The following DAGLB variants were observed in gnomAD, a reference collection of about 807,000 sequenced individuals.
DAGLB encodes the protein diacylglycerol lipase-beta.
A neutral mutation model predicts 72.1 loss-of-function variants in DAGLB; 66 were observed. That is an observed-to-expected ratio of 0.92 (90% CI 0.75 to 1.12). The LOEUF is 1.12. Among genes scored for constraint, DAGLB ranks in the 50% most tolerant of loss-of-function variants. The pLI is 0.00. For missense variants in DAGLB, 1,065 were observed against 884.9 expected (o/e 1.20, Z -2.58); for synonymous variants, 414 against 359.5 (o/e 1.15, Z -1.71).
chr7:6,409,915 G>A lies in DAGLB; in HGVS notation c.1941C>T (p.Ala647=), dbSNP rs765010300. 46 of 1,614,012 alleles carry A rather than the reference G, an allele frequency of 2.9e-5. No homozygotes were observed. The highest frequency in any genetic ancestry group is 3.8e-5 in the Non-Finnish European group (45 of 1,180,048). Residue 647 remains alanine (A), a synonymous_variant, in exon 15 of 15, where the codon GCC becomes GCT. Transcript: ENST00000297056. ...TDHMPDILMR[A]LDSVVSDRAA... ...CTCTGTCGGAGACCACGCTGTCCAA[G>A]GCCCGCATCAGGATGTCTGGCATGT... is the stretch of plus-strand genomic sequence containing the variant.
intron 6 of DAGLB, among the ~76,000 whole-genome samples, chr7:6,430,051 G>A (rs1299077972): frequency 6.8e-6 from 1 of 147,790 alleles, no homozygotes; most frequent in Non-Finnish European, 1.5e-5. Flanking sequence ...CTCAAAAAAT[G>A]AAAATTAGCC....
intron 6 of DAGLB, among the ~76,000 whole-genome samples, chr7:6,427,319 A>T (rs1784345161): frequency 1.3e-5 from 2 of 152,026 alleles, no homozygotes. Context: ...CATGATGTGG[A>T]GAAGCAAAGA....
Position 6,421,867 on chromosome 7 carries a change from G to A in DAGLB, c.1141-63C>T. On this transcript the variant is annotated intron_variant, in intron 8 of 14. Coordinates refer to ENST00000297056, the MANE Select transcript of DAGLB (RefSeq NM_139179.4). ...TGATGGGCAGGGTGGGAGAATGACAGGTGGTCCCTGCTCCTGACACTTCTG... is the reference window on the plus strand; with the variant it reads ...TGATGGGCAGGGTGGGAGAATGACAAGTGGTCCCTGCTCCTGACACTTCTG... The A allele has an allele frequency of 1.3e-6, 2 of 1,552,672 alleles. 1 individual carries two copies. The highest frequency in any genetic ancestry group is 3.4e-4 in the Middle Eastern group (2 of 5,910).
chr7:6,412,992 G>T lies in DAGLB; in HGVS notation c.1470C>A (p.Leu490=), dbSNP rs755699927. 1 of 1,613,976 alleles carries T rather than the reference G, an allele frequency of 6.2e-7. No individual in the cohort carries two copies. Among genetic ancestry groups the T allele is most frequent in the Non-Finnish European group, 8.5e-7 (1 of 1,179,940 alleles). ...TGGGAATCACATCCTTCCCCAGGAC[G>T]AGTGACACGATGAAGCTCTGAGAAT... is the stretch of plus-strand genomic sequence containing the variant. ...QEYSQSFIVS[L]VLGKDVIPRL... The change falls in exon 12 of 15, where the codon CTC becomes CTA. Residue 490 remains leucine (L), a synonymous_variant. Coordinates refer to ENST00000297056, the MANE Select transcript of DAGLB (RefSeq NM_139179.4).
chr7:6,409,374 C>T lies in DAGLB; in HGVS notation c.*463G>A. 1 of 161,968 alleles carries T rather than the reference C, an allele frequency of 6.2e-6. No individual in the cohort carries two copies. Among genetic ancestry groups the T allele is most frequent in the Non-Finnish European group, 1.4e-5 (1 of 73,368 alleles). 10.0% of individuals were successfully genotyped at this position (161,968 alleles called of 1,614,324 possible). On this transcript the variant is annotated 3_prime_UTR_variant, in exon 15 of 15. Transcript: ENST00000297056. Reference sequence around the variant, plus strand: ...GGTGACGCCCAGGAGAAAACCCCAGCCCGCACCCTCACCACAGTTCCATTT... The same window carrying T: ...GGTGACGCCCAGGAGAAAACCCCAGTCCGCACCCTCACCACAGTTCCATTT...
In DAGLB at chr7:6,447,776, A is replaced by T. The variant is rs1458233880; in HGVS notation, c.67T>A (p.Phe23Ile). 1.9e-5 allele frequency: 31 copies of T among 1,613,538 alleles called. No homozygotes were observed. The highest frequency in any genetic ancestry group is 2.6e-5 in the Non-Finnish European group (31 of 1,179,856). Residue 23 changes from phenylalanine (F) to isoleucine (I), a missense_variant, in exon 1 of 15, where the codon TTC becomes ATC. By Grantham distance (21) the Phe-to-Ile change is conservative. Transcript: ENST00000297056. ...AGCACTCGCACGACCAGCTCGAAGA[A>T]CCCTGGGAAGACCAAGTCGTCGCTG... The part of the protein sequence containing the change: ...IASDDLVFPG[F>I]FELVVRVLWW...
chr7:6,433,723 C>T (rs1300022372), intron 4 of DAGLB, among the ~76,000 whole-genome samples: 2 of 151,966 alleles, frequency 1.3e-5, no homozygotes, highest in Admixed American at 6.6e-5. Context: ...GCCTGTCATC[C>T]CAGCTATTGT....
At chr7:6,445,915 A>T (rs560348710) in intron 2 of DAGLB, 38 bp downstream of exon 2, 4 of 1,547,222 alleles carry the variant, frequency 2.6e-6, no homozygotes, top group Admixed American at 4.2e-5. Context: ...ATAAAGCTAT[A>T]AAAAAATAGG....
chr7:6,420,301 G>A (rs1784069892), intron 9 of DAGLB, among the ~76,000 whole-genome samples: 1 of 151,806 alleles, frequency 6.6e-6, no homozygotes, highest in Non-Finnish European at 1.5e-5. Flanking sequence ...TCAGCTGGGT[G>A]TGGTGACGTG....
chr7:6,420,618 G>T (rs1031454161), intron 9 of DAGLB, among the ~76,000 whole-genome samples: 1 of 152,156 alleles, frequency 6.6e-6, no homozygotes, highest in Non-Finnish European at 1.5e-5. Context: ...TGTGTTAGGG[G>T]TGTGGGACTG....
At chr7:6,413,634 GAA>G (rs796974610) in intron 11 of DAGLB, among the ~76,000 whole-genome samples, 7 of 95,106 alleles carry the variant, frequency 7.4e-5, no homozygotes, top group African/African-American at 7.5e-5. Flanking sequence ...CATCTCAAAA[GAA>G]AAAAAAAAAA....
chr7:6,423,572 C>T (rs189324761), intron 8 of DAGLB, among the ~76,000 whole-genome samples: 3,868 of 151,830 alleles, frequency 0.025, 85 homozygotes, highest in South Asian at 0.094. Flanking sequence ...TACAGGTTCC[C>T]GCCACCATGC....
rs1784452257 is a variant in DAGLB at position 6,430,531 on chromosome 7, A to G, written c.878T>C (p.Leu293Pro). 1 of 1,601,306 alleles carries G rather than the reference A, an allele frequency of 6.2e-7. No homozygotes were observed. ...QFAAAAYGWP[L>P]YIYRNPLTGL... ...CGTGAGGGGGTTTCTGTAGATGTAG[A>G]GGGGCCACCCATAGGCCGCTGCTGC... Residue 293 changes from leucine to proline, a missense_variant, in exon 6 of 15, where the codon CTC becomes CCC. Coordinates refer to ENST00000297056, the MANE Select transcript of DAGLB (RefSeq NM_139179.4).
intron 3 of DAGLB, among the ~76,000 whole-genome samples, chr7:6,436,086 AAAG>A (rs1452105790): frequency 6.6e-6 from 1 of 151,572 alleles, no homozygotes. Flanking sequence ...TTTAAGAAAA[AAAG>A]AAAAAAAAAA....
At chr7:6,430,991 G>A (rs34421596) in intron 5 of DAGLB, among the ~76,000 whole-genome samples, 12 of 152,050 alleles carry the variant, frequency 7.9e-5, no homozygotes, top group African/African-American at 2.9e-4. Context: ...GGCCAGGCTG[G>A]TCTCGAACTC....
At chr7:6,441,258 T>G (rs1168785664) in intron 2 of DAGLB, among the ~76,000 whole-genome samples, 11 of 117,156 alleles carry the variant, frequency 9.4e-5, no homozygotes, top group African/African-American at 2.5e-4. Flanking sequence ...GCCTGGCTAA[T>G]TTTTTGTACT....
chr7:6,416,776 G>A (rs112032742), intron 10 of DAGLB, 22 bp from the exon 11 acceptor site: 2 of 1,613,998 alleles, frequency 1.2e-6, no homozygotes, highest in Non-Finnish European at 1.7e-6. Context: ...ACAGCAGAAT[G>A]AGGTGAAGGG....
chr7:6,423,214 T>G (rs7797088), intron 8 of DAGLB, among the ~76,000 whole-genome samples: 12,210 of 152,172 alleles, frequency 0.08, 1,162 homozygotes, highest in East Asian at 0.52. Flanking sequence ...TGTACCATCG[T>G]ACTCCACCCT....
intron 4 of DAGLB, among the ~76,000 whole-genome samples, chr7:6,433,914 T>C (rs979267162): frequency 6.6e-6 from 1 of 151,808 alleles, no homozygotes; most frequent in African/African-American, 2.4e-5. Context: ...GTTCTGCCTG[T>C]GATGTAGATT....
Sources: gnomAD v4.1 joint callset for allele counts (sites outside exome capture counted in the v4.1 genomes callset) on GRCh38, gnomAD v4.1.1 for gene constraint, MANE v1.5 for transcripts, NCBI Gene and HGNC (gene_info 2026-07-23, HGNC 2026-07-21) for gene names.